PHF20: variants seen among roughly 807,000 people sequenced by gnomAD.
PHF20 encodes PHD finger protein 20.
PHF20 carries 23 observed loss-of-function variants against 113.5 expected under a neutral mutation model. That is an observed-to-expected ratio of 0.20 (90% CI 0.15 to 0.29). The LOEUF is 0.29. Among genes scored for constraint, PHF20 ranks in the 10% least tolerant of loss-of-function variants. The probability of loss-of-function intolerance (pLI) is 1.00; values close to 1 mark genes in which losing one functional copy is unlikely to be tolerated. For missense variants in PHF20, 943 were observed against 1,219.6 expected (o/e 0.77, Z 3.38); for synonymous variants, 434 against 457.3 (o/e 0.95, Z 0.65).
chr20:35,840,360 C>T (rs2042517537), intron 2 of PHF20, among the ~76,000 whole-genome samples: 1 of 152,176 alleles, frequency 6.6e-6, no homozygotes, highest in African/African-American at 2.4e-5. Flanking sequence ...CCCCTTCCCA[C>T]CTCTTATCCA....
chr20:35,889,009 CTTTT>C (rs566960589), intron 9 of PHF20, among the ~76,000 whole-genome samples: 17 of 99,202 alleles, frequency 1.7e-4, no homozygotes, highest in African/African-American at 4.3e-4. Flanking sequence ...CTCTTAGTTT[CTTTT>C]TTTTTTTTTT....
intron 1 of PHF20, 109 bp downstream of exon 1, chr20:35,772,188 G>T (rs957764719): frequency 8.6e-5 from 13 of 151,030 alleles, no homozygotes; most frequent in Non-Finnish European, 3.0e-5. Context: ...CGCTGCTTCG[G>T]TCCCCTGCCC....
At chr20:35,861,604 A>T (rs886691392) in intron 5 of PHF20, among the ~76,000 whole-genome samples, 3 of 152,102 alleles carry the variant, frequency 2.0e-5, no homozygotes, top group African/African-American at 7.2e-5. Flanking sequence ...CACAAGTCTG[A>T]TTATTATTTT....
chr20:35,914,037 C>G lies in PHF20; in HGVS notation c.1665C>G (p.Cys555Trp). 6.2e-7 allele frequency: 1 copy of G among 1,613,912 alleles called. No homozygotes were observed. Among genetic ancestry groups the G allele is most frequent in the East Asian group, 2.2e-5 (1 of 44,874 alleles). Residue 555 changes from cysteine to tryptophan, a missense_variant, in exon 12 of 18, where the codon TGC becomes TGG. Transcript: ENST00000374012. ...KKKKKKTKPECPCSEEISDTS... is the reference protein window; with the variant it reads ...KKKKKKTKPEWPCSEEISDTS... Reference sequence around the variant, plus strand: ...TTCCTGATCCTGTTCTTCCAGAATGCCCCTGCAGTGAGGAGATCAGTGACA... The same window carrying G: ...TTCCTGATCCTGTTCTTCCAGAATGGCCCTGCAGTGAGGAGATCAGTGACA...
rs370665556 is a variant in PHF20, at chr20:35,943,471, G to A, written c.2896+2424G>A. On this transcript the variant is annotated intron_variant, in intron 17 of 17. Transcript: ENST00000374012. ...ATCGTGTCACTGTACTCCAGCCTGG[G>A]TGACAGAGCAAGACCCCATTTCTTT... Among the ~76,000 whole-genome samples the A allele has an allele frequency of 7.4e-5, 11 of 148,328 alleles. 1 individual carries two copies. In the South Asian group the frequency reaches 2.3e-3, roughly 32 times the overall value.
chr20:35,785,520 A>C (rs908391965), intron 1 of PHF20, among the ~76,000 whole-genome samples: 1 of 151,672 alleles, frequency 6.6e-6, no homozygotes, highest in African/African-American at 2.4e-5. Flanking sequence ...GGGTTTCACC[A>C]CGTTGGCCAG....
At chr20:35,816,609 C>A (rs2042078839) in intron 2 of PHF20, among the ~76,000 whole-genome samples, 1 of 151,604 alleles carries the variant, frequency 6.6e-6, no homozygotes, top group Admixed American at 6.6e-5. Flanking sequence ...GCCACCACAC[C>A]CAGCTAATTT....
rs1342912619 is a variant in PHF20 at position 35,869,565 on chromosome 20, T to C, written c.922+14T>C. 1 of 1,372,060 alleles carries C rather than the reference T, an allele frequency of 7.3e-7. No homozygotes were observed. Among genetic ancestry groups the C allele is most frequent in the East Asian group, 2.3e-5 (1 of 43,616 alleles). 85.0% of individuals were successfully genotyped at this position (1,372,060 alleles called of 1,614,324 possible). On this transcript the variant is annotated intron_variant, in intron 7 of 17. Coordinates refer to ENST00000374012, the MANE Select transcript of PHF20 (RefSeq NM_016436.5). ...ACAAAAATTCATGTGAGTCTACAGTTTGTTTATGTGTGGCTAGAATTTGAC... is the reference window on the plus strand; with the variant it reads ...ACAAAAATTCATGTGAGTCTACAGTCTGTTTATGTGTGGCTAGAATTTGAC...
intron 13 of PHF20, among the ~76,000 whole-genome samples, chr20:35,926,513 ACAAGCGTGAG>A (rs2055640222): frequency 6.6e-6 from 1 of 151,918 alleles, no homozygotes; most frequent in Non-Finnish European, 1.5e-5. Context: ...TGCTGGGATT[ACAAGCGTGAG>A]CCACCGCGCC....
At chr20:35,780,072 C>T (rs1269040962) in intron 1 of PHF20, among the ~76,000 whole-genome samples, 2 of 152,080 alleles carry the variant, frequency 1.3e-5, no homozygotes, top group East Asian at 3.9e-4. Context: ...GGTTTCTTTG[C>T]CTCCTGTCCC....
intron 8 of PHF20, 144 bp from the exon 9 acceptor site, chr20:35,871,506 T>C (rs755624534): frequency 1.5e-6 from 1 of 650,306 alleles, no homozygotes; most frequent in Non-Finnish European, 2.5e-6. Context: ...CCTGTATGTA[T>C]GGGAACCTGT....
intron 1 of PHF20, among the ~76,000 whole-genome samples, chr20:35,788,720 G>T (rs936796933): frequency 6.6e-6 from 1 of 152,136 alleles, no homozygotes; most frequent in East Asian, 1.9e-4. Context: ...TGGGATTACC[G>T]GTGTACACCA....
At chr20:35,829,591 C>T (rs1243728197) in intron 2 of PHF20, among the ~76,000 whole-genome samples, 1 of 151,430 alleles carries the variant, frequency 6.6e-6, no homozygotes, top group African/African-American at 2.4e-5. Flanking sequence ...TGGTGATCCA[C>T]CTGCCTCAGC....
intron 2 of PHF20, among the ~76,000 whole-genome samples, chr20:35,825,066 G>T (rs908079653): frequency 9.2e-5 from 14 of 152,178 alleles, no homozygotes; most frequent in Non-Finnish European, 1.8e-4. Context: ...CATCATATGG[G>T]TATATACCTA....
chr20:35,798,030 T>C (rs2041702061), intron 1 of PHF20, among the ~76,000 whole-genome samples: 1 of 152,180 alleles, frequency 6.6e-6, no homozygotes, highest in African/African-American at 2.4e-5. Flanking sequence ...AAAATTTTCA[T>C]TGTGAAAAAC....
intron 3 of PHF20, among the ~76,000 whole-genome samples, chr20:35,846,796 G>T (rs1339624328): frequency 6.6e-6 from 1 of 152,084 alleles, no homozygotes; most frequent in African/African-American, 2.4e-5. Flanking sequence ...TCTTTTCTGT[G>T]TTGCTATAAT....
chr20:35,797,439 A>G (rs1318976639), intron 1 of PHF20, among the ~76,000 whole-genome samples: 1 of 149,506 alleles, frequency 6.7e-6, no homozygotes, highest in Non-Finnish European at 1.5e-5. Flanking sequence ...GCTTGAGCCT[A>G]GGAGGCGGAG....
chr20:35,907,854 C>A (rs1294897337), intron 10 of PHF20, among the ~76,000 whole-genome samples: 1 of 152,046 alleles, frequency 6.6e-6, no homozygotes, highest in African/African-American at 2.4e-5. Flanking sequence ...TGTTTTTTGC[C>A]TCGATGATCT....
chr20:35,929,399 G>A (rs939589596), intron 14 of PHF20, among the ~76,000 whole-genome samples: 1 of 152,250 alleles, frequency 6.6e-6, no homozygotes. Flanking sequence ...GGAAAGAATA[G>A]TCAGAAGATT....
Sources: allele counts gnomAD v4.1 joint callset (sites outside exome capture counted in the v4.1 genomes callset), GRCh38; gene constraint gnomAD v4.1.1; transcripts MANE v1.5; gene names NCBI Gene and HGNC (gene_info 2026-07-23, HGNC 2026-07-21).